Variants in MACROD1 observed in about 807,000 individuals in gnomAD.
MACROD1 encodes the protein mono-ADP ribosylhydrolase 1, also known as ADP-ribose glycohydrolase MACROD1.
MACROD1 carries 31 observed loss-of-function variants against 41.4 expected under a neutral mutation model. The ratio of observed to expected loss-of-function variants is 0.75; its 90% CI spans 0.56 to 1.01. MACROD1 has a LOEUF of 1.01. MACROD1 is among the 50% of genes least tolerant of loss of function. MACROD1 has a pLI of 0.00. For missense variants in MACROD1, 473 were observed against 460.0 expected, an observed-to-expected ratio of 1.03 and a Z score of -0.26; for synonymous variants, 252 against 203.4, an observed-to-expected ratio of 1.24 and a Z score of -2.03.
rs959322519 is a variant in MACROD1 at position 64,165,988 on chromosome 11, G to C, written c.7C>G (p.Leu3Val). The C allele has an allele frequency of 1.6e-6, 2 of 1,272,650 alleles. No individual in the cohort carries two copies. Among genetic ancestry groups the C allele is most frequent in the African/African-American group, 3.1e-5 (2 of 64,562 alleles). 78.8% of individuals were successfully genotyped at this position (1,272,650 alleles called of 1,614,324 possible). The stretch of plus-strand genomic sequence containing the variant: ...AGGCGGCCGGACAGTCGGCTCTGTA[G>C]AGACATGAGCGGGCGGCGCGGGACG... MS[L>V]QSRLSGRLAQ... Residue 3 changes from leucine (L) to valine (V), a missense_variant, in exon 1 of 11, where the codon CTA (leucine) becomes GTA (valine). Coordinates refer to ENST00000255681, the MANE Select transcript of MACROD1 (RefSeq NM_014067.4).
intron 3 of MACROD1, among the ~76,000 whole-genome samples, chr11:64,044,179 CA>C (rs1184052719): frequency 6.6e-6 from 1 of 151,902 alleles, no homozygotes; most frequent in Non-Finnish European, 1.5e-5. Flanking sequence ...TGAGAGTAAT[CA>C]ACACAGCAAT....
At chr11:64,060,013 G>C (rs1943867520) in intron 3 of MACROD1, among the ~76,000 whole-genome samples, 1 of 152,152 alleles carries the variant, frequency 6.6e-6, no homozygotes, top group East Asian at 1.9e-4. Flanking sequence ...ACGTCCAGGG[G>C]CCCCCCTCCC....
At chr11:64,028,655 C>T (rs1459867628) in intron 3 of MACROD1, among the ~76,000 whole-genome samples, 1 of 152,146 alleles carries the variant, frequency 6.6e-6, no homozygotes, top group Non-Finnish European at 1.5e-5. Context: ...GCGCCCCGCC[C>T]CCTGCCGCTG....
chr11:64,145,562 C>T (rs547789340), intron 3 of MACROD1, among the ~76,000 whole-genome samples: 1 of 152,154 alleles, frequency 6.6e-6, no homozygotes, highest in Non-Finnish European at 1.5e-5. Flanking sequence ...GTAGAGGCCA[C>T]GGAGTGGCCA....
Position 64,000,309 on chromosome 11 carries a change from C to A in MACROD1, c.582G>T (p.Leu194=). The A allele has an allele frequency of 1.3e-6, 2 of 1,593,874 alleles. No individual in the cohort carries two copies. The highest frequency in any genetic ancestry group is 1.7e-6 in the Non-Finnish European group (2 of 1,171,154). The change falls in exon 5 of 11, where the codon CTG becomes CTT. Residue 194 remains leucine, a synonymous_variant. Transcript: ENST00000255681. ...DGCIHRAAGP[L]LTDECRTLQS... is the part of the protein sequence containing the mutation. ...GCAGGGTCCGGCACTCGTCGGTAAG[C>A]AGGGGGCCGGCGGCCCGATGAATGC...
chr11:64,144,467 T>C (rs1733261616), intron 3 of MACROD1, among the ~76,000 whole-genome samples: 1 of 152,224 alleles, frequency 6.6e-6, no homozygotes, highest in South Asian at 2.1e-4. Flanking sequence ...CTCAGTCACC[T>C]GCCGAGGTGG....
intron 3 of MACROD1, among the ~76,000 whole-genome samples, chr11:64,141,390 G>A (rs1442552082): frequency 6.6e-6 from 1 of 152,190 alleles, no homozygotes; most frequent in Admixed American, 6.5e-5. Flanking sequence ...GCACAGAGCC[G>A]GGGAGCGGGG....
In MACROD1 at chr11:64,096,288, G is replaced by C. The variant is rs1177491320; in HGVS notation, c.517+54951C>G. On this transcript the variant is annotated intron_variant, in intron 3 of 10. Transcript: ENST00000255681. The surrounding 1 kb of genome is among the most constrained non-coding windows in gnomAD (Gnocchi z 4.6). The stretch of plus-strand genomic sequence containing the variant: ...TCCTGAAAGAAGAGGTTCCGGCCTT[G>C]GCTGGTGGCGCCAGGTTCATCACCC... 6.6e-6 allele frequency among the ~76,000 whole-genome samples: 1 copy of C among 152,226 alleles called. No individual in the cohort carries two copies. Among genetic ancestry groups the C allele is most frequent in the African/African-American group, 2.4e-5 (1 of 41,468 alleles).
chr11:64,114,870 G>T (rs1944947361), intron 3 of MACROD1, among the ~76,000 whole-genome samples: 1 of 152,200 alleles, frequency 6.6e-6, no homozygotes, highest in Admixed American at 6.5e-5. Flanking sequence ...AGCAGAGGAG[G>T]TAACATTTGA....
At chr11:64,062,465 C>A (rs1222772503) in intron 3 of MACROD1, among the ~76,000 whole-genome samples, 1 of 152,224 alleles carries the variant, frequency 6.6e-6, no homozygotes, top group Non-Finnish European at 1.5e-5. Context: ...TCACACAGGG[C>A]TGCAGGAAGC....
intron 3 of MACROD1, among the ~76,000 whole-genome samples, chr11:64,127,796 G>A (rs986611882): frequency 3.9e-5 from 6 of 152,140 alleles, no homozygotes; most frequent in Admixed American, 2.0e-4. Context: ...TTGGGGACAT[G>A]AGCTTATGCC....
chr11:64,143,753 TACAC>T (rs55995667), intron 3 of MACROD1, among the ~76,000 whole-genome samples: 10,812 of 101,390 alleles, frequency 0.11, 565 homozygotes, highest in Non-Finnish European at 0.14. Flanking sequence ...GACACACACA[TACAC>T]ACACACACAC....
intron 3 of MACROD1, among the ~76,000 whole-genome samples, chr11:64,081,329 C>A (rs748697218): frequency 8.5e-5 from 13 of 152,198 alleles, no homozygotes; most frequent in Non-Finnish European, 1.3e-4. Context: ...GCCTACACTT[C>A]ATATTTTAAA....
At chr11:64,116,261 A>G in intron 3 of MACROD1, 1 of 1,593,074 alleles carries the variant, frequency 6.3e-7, no homozygotes, top group South Asian at 1.1e-5. Flanking sequence ...GCCCCCAGCC[A>G]TCCACCATGG....
At chr11:64,014,104 C>T (rs1943049138) in intron 4 of MACROD1, among the ~76,000 whole-genome samples, 1 of 152,174 alleles carries the variant, frequency 6.6e-6, no homozygotes, top group Admixed American at 6.5e-5. Context: ...TGGCACCCAG[C>T]TCGGGGCCCG....
chr11:64,063,807 G>T (rs754867026), intron 3 of MACROD1, among the ~76,000 whole-genome samples: 1 of 152,184 alleles, frequency 6.6e-6, no homozygotes, highest in Non-Finnish European at 1.5e-5. Flanking sequence ...TGAGACAGCC[G>T]AACAGGAGCA....
rs563358273 is a variant in MACROD1 at position 64,042,792 on chromosome 11, G to C, written c.518-27511C>G. ...TCCCTAGTAGCTGCCACTCAGAGCAGCACCATGGCTCTGAGCCCTGAGACC... is the reference window on the plus strand; with the variant it reads ...TCCCTAGTAGCTGCCACTCAGAGCACCACCATGGCTCTGAGCCCTGAGACC... On this transcript the variant is annotated intron_variant, in intron 3 of 10. Transcript: ENST00000255681. Among the ~76,000 whole-genome samples, 3 of 152,324 alleles carry C rather than the reference G, an allele frequency of 2.0e-5. No individual in the cohort carries two copies. In the East Asian group the frequency reaches 5.8e-4, roughly 29 times the overall value.
At chr11:64,015,328 G>A in intron 3 of MACROD1, 47 bp from the exon 4 acceptor site, 1 of 1,570,574 alleles carries the variant, frequency 6.4e-7, no homozygotes, top group Non-Finnish European at 8.7e-7. Flanking sequence ...AGGGGCTGCG[G>A]CGGGAGTATC....
At chr11:64,030,232 G>A (rs572977956) in intron 3 of MACROD1, among the ~76,000 whole-genome samples, 3 of 151,378 alleles carry the variant, frequency 2.0e-5, no homozygotes, top group African/African-American at 7.3e-5. Context: ...TGTGCATCTG[G>A]CCCCCCAGAA....
Sources: gnomAD v4.1 joint callset for allele counts (sites outside exome capture counted in the v4.1 genomes callset) on GRCh38, gnomAD v4.1.1 for gene constraint, Gnocchi (gnomAD v3.1) non-coding constraint, MANE v1.5 for transcripts, NCBI Gene and HGNC (gene_info 2026-07-23, HGNC 2026-07-21) for gene names.